Variants in XDH observed in about 807,000 individuals in gnomAD.
The protein encoded by XDH is xanthine dehydrogenase, also known as xanthine dehydrogenase/oxidase.
A neutral mutation model predicts 156.1 loss-of-function variants in XDH; 138 were observed. The observed-to-expected ratio is 0.88, with a 90% CI of 0.77 to 1.02. The LOEUF (loss-of-function observed/expected upper bound fraction) is 1.02, where lower values mean the gene tolerates loss of function less well. Among genes scored for constraint, XDH ranks in the 50% least tolerant of loss-of-function variants. XDH has a pLI of 0.00. For missense variants in XDH, 1,849 were observed against 1,684.9 expected (o/e 1.10, Z -1.71); for synonymous variants, 669 against 625.7 (o/e 1.07, Z -1.03).
chr2:31,411,996 T>C (rs45555736), intron 1 of XDH, among the ~76,000 whole-genome samples: 1 of 151,438 alleles, frequency 6.6e-6, no homozygotes, highest in Admixed American at 6.6e-5. Flanking sequence ...AAAGTCACCG[T>C]GACGATCTCT....
chr2:31,343,312 A>ATATATATATATATGCATGTT (rs1553411685), intron 31 of XDH, among the ~76,000 whole-genome samples: 29 of 136,544 alleles, frequency 2.1e-4, no homozygotes, highest in African/African-American at 2.2e-4. Flanking sequence ...ATATATATAT[A>ATATATATATATATGCATGTT]TATATATATA....
intron 1 of XDH, among the ~76,000 whole-genome samples, chr2:31,411,953 G>GACTA (rs1342549973): frequency 1.5e-5 from 2 of 130,166 alleles, no homozygotes; most frequent in Non-Finnish European, 3.4e-5. Flanking sequence ...AGTGAATGAT[G>GACTA]AGTAAGTGAG....
In XDH at chr2:31,375,128, T is replaced by C. The variant is rs207401; in HGVS notation, c.1602+252A>G. Among the ~76,000 whole-genome samples the C allele has an allele frequency of 0.5, 73,799 of 148,682 alleles. 19,864 individuals carry two copies. Among genetic ancestry groups the C allele is most frequent in the African/African-American group, 0.71 (28,516 of 40,048 alleles). On this transcript the variant is annotated intron_variant, in intron 15 of 35. Transcript: ENST00000379416. ...GCAACCTCCACCTCCCGAGTTCAAG[T>C]GATTCTCCTGCCTCAGCTTCCCACG...
chr2:31,372,734 T>G (rs1399015140), intron 16 of XDH, among the ~76,000 whole-genome samples: 1 of 152,222 alleles, frequency 6.6e-6, no homozygotes, highest in African/African-American at 2.4e-5. Flanking sequence ...GGATTGTTCA[T>G]GCAAGCATAA....
At chr2:31,365,647 C>T (rs1685893944) in intron 22 of XDH, 103 bp from the exon 23 acceptor site, 7 of 1,351,412 alleles carry the variant, frequency 5.2e-6, no homozygotes, top group Non-Finnish European at 1.1e-6. Flanking sequence ...TTTCCACCTG[C>T]ACGCTGAGCA....
In XDH at chr2:31,357,970, T is replaced by C. The variant is rs868448950; in HGVS notation, c.2631+6188A>G. Among the ~76,000 whole-genome samples, 11 of 152,272 alleles carry C rather than the reference T, an allele frequency of 7.2e-5. No individual in the cohort carries two copies. In the South Asian group the frequency reaches 2.1e-3, roughly 29 times the overall value. On this transcript the variant is annotated intron_variant, in intron 24 of 35. Transcript: ENST00000379416. Reference sequence around the variant, plus strand: ...ACTATTAAGGAAATTTAATCAATAGTGTTTTTTTGTTTGTTTCTTTTTTTT... The same window carrying C: ...ACTATTAAGGAAATTTAATCAATAGCGTTTTTTTGTTTGTTTCTTTTTTTT...
At chr2:31,364,531 G>A (rs1041490184) in intron 23 of XDH, among the ~76,000 whole-genome samples, 3 of 151,996 alleles carry the variant, frequency 2.0e-5, no homozygotes, top group Non-Finnish European at 2.9e-5. Flanking sequence ...TCTCGGAGGG[G>A]AGTAAGGAGG....
chr2:31,351,651 A>G (rs886844550), intron 24 of XDH, among the ~76,000 whole-genome samples: 1 of 152,226 alleles, frequency 6.6e-6, no homozygotes, highest in African/African-American at 2.4e-5. Flanking sequence ...ATTTTGTTGG[A>G]GTACATCCTT....
intron 24 of XDH, among the ~76,000 whole-genome samples, chr2:31,363,815 A>AAT (rs1410048847): frequency 1.3e-5 from 2 of 152,210 alleles, no homozygotes; most frequent in East Asian, 3.9e-4. Flanking sequence ...TATATATAGT[A>AAT]ATATATATTA....
Position 31,349,724 on chromosome 2 carries a change from C to T in XDH, c.2931G>A (p.Gln977=), listed in dbSNP as rs1247726206. Residue 977 remains glutamine (Q), a synonymous_variant, in exon 26 of 36, where the codon CAG becomes CAA. Coordinates refer to ENST00000379416, the MANE Select transcript of XDH (RefSeq NM_000379.4). ...CAACCTCACTCTTCCGAGCATGATA[C>T]TGAGAGCTTGCTAGGCATTCTTCCC... ...RCWEECLASS[Q]YHARKSEVDK... is the part of the protein sequence containing the mutation. 5 of 1,614,210 alleles carry T rather than the reference C, an allele frequency of 3.1e-6. No individual in the cohort carries two copies. Among genetic ancestry groups the T allele is most frequent in the Non-Finnish European group, 3.4e-6 (4 of 1,180,042 alleles).
At chr2:31,346,594 G>A (rs138204120) in intron 30 of XDH, among the ~76,000 whole-genome samples, 175 bp downstream of exon 30, 2 of 152,240 alleles carry the variant, frequency 1.3e-5, no homozygotes, top group South Asian at 4.2e-4. Context: ...TAGAGAAAGG[G>A]ACCCAGCCAG....
intron 18 of XDH, among the ~76,000 whole-genome samples, chr2:31,368,926 T>C (rs552591799): frequency 1.3e-5 from 2 of 152,276 alleles, no homozygotes; most frequent in East Asian, 1.9e-4. Flanking sequence ...AATGTGGCAA[T>C]TGATTCCTTG....
intron 2 of XDH, 26 bp from the exon 3 acceptor site, chr2:31,403,170 T>A (rs1485329142): frequency 6.2e-7 from 1 of 1,612,756 alleles, no homozygotes; most frequent in African/African-American, 1.3e-5. Flanking sequence ...TTAAGGAGAA[T>A]GAACTCAGGG....
chr2:31,364,012 C>G (rs970700572), intron 24 of XDH, 146 bp downstream of exon 24: 21 of 703,170 alleles, frequency 3.0e-5, no homozygotes, highest in Non-Finnish European at 4.1e-5. Flanking sequence ...AGAGATTAAT[C>G]GAGGATGGGA....
chr2:31,368,627 C>A lies in XDH; in HGVS notation c.2014G>T (p.Val672Phe), dbSNP rs756013401. Residue 672 changes from valine (V) to phenylalanine (F), a missense_variant, in exon 19 of 36, where the codon GTT becomes TTT. Transcript: ENST00000379416. ...TGTGTGTGTTCCGGGGTGTCAGCAA[C>A]CACAGCACCAATGATATGCCCAACA... ...TCVGHIIGAVVADTPEHTQRA... is the reference protein window; with the variant it reads ...TCVGHIIGAVFADTPEHTQRA... 1 of 1,614,184 alleles carries A rather than the reference C, an allele frequency of 6.2e-7. No individual in the cohort carries two copies. Among genetic ancestry groups the A allele is most frequent in the Non-Finnish European group, 8.5e-7 (1 of 1,180,042 alleles).
At chr2:31,347,955 T>C (rs961027861) in intron 28 of XDH, among the ~76,000 whole-genome samples, 2 of 152,228 alleles carry the variant, frequency 1.3e-5, no homozygotes, top group Non-Finnish European at 2.9e-5. Flanking sequence ...ATCCAGCTCA[T>C]TGTCCTCACT....
chr2:31,370,352 T>TA lies in XDH; in HGVS notation c.1980+2dup. ...ACTTCATATAAAAAAATCCAAGACT[T>TA]ACCTTATCCTTCGCAAAGACTGTCT... is the stretch of plus-strand genomic sequence containing the variant. On this transcript the variant is annotated splice_region_variant and intron_variant, in intron 18 of 35. Transcript: ENST00000379416. The TA allele has an allele frequency of 6.2e-7, 1 of 1,614,164 alleles. No homozygotes were observed. The highest frequency in any genetic ancestry group is 8.5e-7 in the Non-Finnish European group (1 of 1,180,026).
intron 8 of XDH, 69 bp from the exon 9 acceptor site, chr2:31,386,624 T>TA: frequency 6.2e-7 from 1 of 1,602,804 alleles, no homozygotes; most frequent in Admixed American, 1.7e-5. Flanking sequence ...TAAATTGCTT[T>TA]AAGTCCTCAA....
chr2:31,355,227 T>C (rs1287837621), intron 24 of XDH, among the ~76,000 whole-genome samples: 1 of 151,970 alleles, frequency 6.6e-6, no homozygotes, highest in Non-Finnish European at 1.5e-5. Context: ...CATTCTCAGA[T>C]GGAAAACTAA....
Sources: allele counts gnomAD v4.1 joint callset (sites outside exome capture counted in the v4.1 genomes callset), GRCh38; gene constraint gnomAD v4.1.1; transcripts MANE v1.5; gene names NCBI Gene and HGNC (gene_info 2026-07-23, HGNC 2026-07-21).